Variants in WWOX observed in about 807,000 individuals in gnomAD.
WWOX encodes the protein WW domain-containing oxidoreductase.
In WWOX, 69 loss-of-function variants were observed where a neutral mutation model predicts 46.2. The ratio of observed to expected loss-of-function variants is 1.49; its 90% confidence interval spans 1.23 to 1.82. WWOX has a LOEUF of 1.82. Ranked by LOEUF, WWOX falls within the 40% of genes most tolerant of loss-of-function variation. The pLI is 0.00. For missense variants in WWOX, 919 were observed against 542.6 expected (o/e 1.69, Z -6.89); for synonymous variants, 359 against 202.6 (o/e 1.77, Z -6.56).
intron 8 of WWOX, among the ~76,000 whole-genome samples, chr16:79,112,078 C>G (rs1351147674): frequency 6.6e-6 from 1 of 152,188 alleles, no homozygotes; most frequent in South Asian, 2.1e-4. Context: ...GGGCTGGACA[C>G]AGAACAGGCT....
chr16:79,069,012 G>C (rs2048497913), intron 8 of WWOX, among the ~76,000 whole-genome samples: 1 of 152,142 alleles, frequency 6.6e-6, no homozygotes, highest in Non-Finnish European at 1.5e-5. Flanking sequence ...CACCTGAGAA[G>C]TAGTTATGTC....
Position 78,344,840 on chromosome 16 carries a change from C to G in WWOX, c.517-42020C>G, listed in dbSNP as rs542525556. Among the ~76,000 whole-genome samples, 6 of 121,248 alleles carry G rather than the reference C, an allele frequency of 4.9e-5. No homozygotes were observed. The East Asian group carries it at 1.2e-3, about 23-fold the overall frequency. The allele number at this position is 121,248 out of a possible 152,430, so 79.5% of individuals were successfully genotyped here. A position where few individuals can be genotyped will look rare whatever the true frequency, so the allele number is the denominator to read the frequency against. ...ATCAAGCTCTTGTTAATCTGTCAGGCCTTCCTAAGATGTCTGAAGAAGTTA... is the reference window on the plus strand; with the variant it reads ...ATCAAGCTCTTGTTAATCTGTCAGGGCTTCCTAAGATGTCTGAAGAAGTTA... On this transcript the variant is annotated intron_variant, in intron 5 of 8. Transcript: ENST00000566780.
chr16:78,654,392 CAACT>C (rs1225434396), intron 8 of WWOX, among the ~76,000 whole-genome samples: 1 of 152,194 alleles, frequency 6.6e-6, no homozygotes, highest in Non-Finnish European at 1.5e-5. Context: ...TGGTATTTAT[CAACT>C]AACTGCTGTG....
chr16:79,128,723 G>T (rs12923469), intron 8 of WWOX, among the ~76,000 whole-genome samples: 39,388 of 152,118 alleles, frequency 0.26, 5,391 homozygotes, highest in East Asian at 0.38. Context: ...ATTTGCCAAG[G>T]TTTGAAAAGT....
At chr16:79,173,150 TG>T (rs1159967622) in intron 8 of WWOX, among the ~76,000 whole-genome samples, 10 of 152,230 alleles carry the variant, frequency 6.6e-5, no homozygotes, top group African/African-American at 2.4e-4. Context: ...TGTGTGCCCA[TG>T]TCTCTGGGCC....
intron 8 of WWOX, among the ~76,000 whole-genome samples, chr16:79,121,213 G>C (rs1429092724): frequency 6.6e-6 from 1 of 152,198 alleles, no homozygotes; most frequent in Non-Finnish European, 1.5e-5. Flanking sequence ...CCGGGGAGTT[G>C]ACATGGGTAT....
intron 5 of WWOX, among the ~76,000 whole-genome samples, chr16:78,249,064 A>C (rs997036553): frequency 1.3e-5 from 2 of 152,132 alleles, no homozygotes; most frequent in South Asian, 4.2e-4. Flanking sequence ...TCACCAGGCC[A>C]GACTGGTCTT....
intron 8 of WWOX, among the ~76,000 whole-genome samples, chr16:78,594,952 G>T (rs1350902895): frequency 6.6e-6 from 1 of 152,196 alleles, no homozygotes; most frequent in African/African-American, 2.4e-5. Flanking sequence ...GGAAAGCAGT[G>T]ATTTCCTTTC....
intron 8 of WWOX, among the ~76,000 whole-genome samples, chr16:78,569,138 C>A (rs147509131): frequency 6.6e-6 from 1 of 152,072 alleles, no homozygotes; most frequent in Non-Finnish European, 1.5e-5. Context: ...ACCTAGGGAC[C>A]TGTTGGGGTG....
At chr16:78,253,084 TG>T (rs1233472754) in intron 5 of WWOX, among the ~76,000 whole-genome samples, 1 of 152,198 alleles carries the variant, frequency 6.6e-6, no homozygotes, top group Non-Finnish European at 1.5e-5. Context: ...AGCTCTGTTT[TG>T]CAAGAAAGTA....
At chr16:78,248,554 G>A (rs977372049) in intron 5 of WWOX, among the ~76,000 whole-genome samples, 3 of 152,016 alleles carry the variant, frequency 2.0e-5, no homozygotes, top group East Asian at 3.9e-4. Flanking sequence ...TGCACAATAC[G>A]GTGAAAACTC....
chr16:78,547,334 G>C (rs759715961), intron 8 of WWOX, among the ~76,000 whole-genome samples: 15 of 151,954 alleles, frequency 9.9e-5, no homozygotes, highest in Non-Finnish European at 2.1e-4. Context: ...CCAATTTACA[G>C]ATGAAAAAAA....
intron 6 of WWOX, among the ~76,000 whole-genome samples, chr16:78,397,907 T>C (rs995156582): frequency 4.6e-5 from 7 of 152,210 alleles, no homozygotes; most frequent in African/African-American, 1.4e-4. Context: ...GAGATTCTCG[T>C]CCGCTCAGTT....
chr16:78,715,405 C>T (rs2048537818), intron 8 of WWOX, among the ~76,000 whole-genome samples: 1 of 152,160 alleles, frequency 6.6e-6, no homozygotes, highest in African/African-American at 2.4e-5. Context: ...ATGGCCACCA[C>T]AGGTTCACTG....
At chr16:78,331,258 A>G (rs1433428477) in intron 5 of WWOX, among the ~76,000 whole-genome samples, 1 of 152,176 alleles carries the variant, frequency 6.6e-6, no homozygotes, top group Admixed American at 6.5e-5. Context: ...ATTTGTTACT[A>G]AATAAAATAT....
At chr16:78,910,624 A>T (rs1277313874) in intron 8 of WWOX, among the ~76,000 whole-genome samples, 1 of 152,008 alleles carries the variant, frequency 6.6e-6, no homozygotes, top group African/African-American at 2.4e-5. Context: ...TCACAATTCC[A>T]CATGGCGGTG....
chr16:78,963,992 G>C (rs2046320323), intron 8 of WWOX, among the ~76,000 whole-genome samples: 2 of 152,158 alleles, frequency 1.3e-5, no homozygotes, highest in Non-Finnish European at 2.9e-5. Flanking sequence ...CACCATGTAA[G>C]AAGTGCCTTT....
chr16:78,482,172 A>G (rs1349091682), intron 8 of WWOX, among the ~76,000 whole-genome samples: 1 of 152,148 alleles, frequency 6.6e-6, no homozygotes, highest in Non-Finnish European at 1.5e-5. Flanking sequence ...CACAGCCCTC[A>G]TTAGTGAAGC....
intron 8 of WWOX, among the ~76,000 whole-genome samples, chr16:78,664,968 C>G (rs2047297617): frequency 1.3e-5 from 2 of 152,284 alleles, no homozygotes; most frequent in South Asian, 2.1e-4. Context: ...ATACAATGAA[C>G]TTGGGAAGGT....
Sources: gnomAD v4.1 joint callset for allele counts (sites outside exome capture counted in the v4.1 genomes callset) on GRCh38, gnomAD v4.1.1 for gene constraint, MANE v1.5 for transcripts, NCBI Gene and HGNC (gene_info 2026-07-23, HGNC 2026-07-21) for gene names.